Variants in TTLL13 observed in about 807,000 individuals in gnomAD.
TTLL13 encodes tubulin tyrosine ligase like 13.
the TTLL13 span, chr15:90,262,978 C>A: frequency 2.0e-6 from 3 of 1,535,772 alleles, no homozygotes; most frequent in Admixed American, 2.0e-5. Context: ...GCTGCCGGGA[C>A]AGCTGGACAC....
At chr15:90,250,939 T>C in the TTLL13 span, 1 of 1,583,142 alleles carries the variant, frequency 6.3e-7, no homozygotes, top group East Asian at 2.2e-5. Context: ...AGTCACCCAT[T>C]GGCCTCCCTT....
chr15:90,251,146 C>T, the TTLL13 span, among the ~76,000 whole-genome samples: 5 of 102,770 alleles, frequency 4.9e-5, no homozygotes, highest in Non-Finnish European at 9.3e-5. Flanking sequence ...CAGAGTCTCG[C>T]TCTGTCGCCC....
the TTLL13 span, chr15:90,251,497 C>A: frequency 1.3e-6 from 2 of 1,507,776 alleles, no homozygotes; most frequent in Non-Finnish European, 1.8e-6. Context: ...GTCTTTTCAT[C>A]TGAGTACCTG....
At chr15:90,260,033 C>T in the TTLL13 span, among the ~76,000 whole-genome samples, 2 of 152,100 alleles carry the variant, frequency 1.3e-5, no homozygotes, top group African/African-American at 2.4e-5. Context: ...CAGATGTCTG[C>T]GTGATGAATG....
At chr15:90,259,492 CTG>C in the TTLL13 span, among the ~76,000 whole-genome samples, 1 of 152,178 alleles carries the variant, frequency 6.6e-6, no homozygotes, top group Non-Finnish European at 1.5e-5. Flanking sequence ...GTTTTCCTCT[CTG>C]GAGCCAATCA....
At chr15:90,258,774 C>T in the TTLL13 span, 1 of 1,614,202 alleles carries the variant, frequency 6.2e-7, no homozygotes, top group Non-Finnish European at 8.5e-7. Flanking sequence ...ACCACGGACT[C>T]ATGCCTTGAT....
At chr15:90,264,962 A>T in the TTLL13 span, 4 of 1,534,310 alleles carry the variant, frequency 2.6e-6, no homozygotes, top group Non-Finnish European at 3.5e-6. Flanking sequence ...CAATCAGTTC[A>T]GGTAAAAGCA....
chr15:90,250,861 G>A, the TTLL13 span: 1 of 1,614,100 alleles, frequency 6.2e-7, no homozygotes, highest in East Asian at 2.2e-5. Context: ...TAGAAGCTGG[G>A]AGGAGGAAGA....
chr15:90,253,494 AC>A, the TTLL13 span: 2 of 521,452 alleles, frequency 3.8e-6, no homozygotes, highest in Middle Eastern at 2.9e-4. Context: ...AAGAAAGACC[AC>A]CCCCAGGGTC....
chr15:90,255,568 C>CA, the TTLL13 span, among the ~76,000 whole-genome samples: 2 of 152,052 alleles, frequency 1.3e-5, no homozygotes. Context: ...GTAGGAGTCA[C>CA]AGAGGGTTTT....
the TTLL13 span, chr15:90,261,916 A>G: frequency 9.2e-7 from 1 of 1,090,398 alleles, no homozygotes; most frequent in Non-Finnish European, 1.2e-6. Context: ...AGAAGCCAGC[A>G]GGAGGGTCTC....
At chr15:90,257,625 CTCTT>C in the TTLL13 span, 1 of 1,613,710 alleles carries the variant, frequency 6.2e-7, no homozygotes, top group Admixed American at 1.7e-5. Context: ...CACAGGGCCA[CTCTT>C]TCCACAGGAC....
chr15:90,252,584 C>T, the TTLL13 span, among the ~76,000 whole-genome samples: 5 of 152,172 alleles, frequency 3.3e-5, no homozygotes, highest in Admixed American at 2.0e-4. Flanking sequence ...CCAGCTAGGT[C>T]CTTCCCCTAA....
the TTLL13 span, chr15:90,257,553 G>C: frequency 5.5e-6 from 7 of 1,270,098 alleles, no homozygotes; most frequent in East Asian, 1.4e-4. Flanking sequence ...CCTCGGGAGG[G>C]GTGGGGAGCA....
the TTLL13 span, chr15:90,265,176 A>T: frequency 7.7e-7 from 1 of 1,290,564 alleles, no homozygotes; most frequent in Admixed American, 3.0e-5. Flanking sequence ...TAGAAGATGA[A>T]GAGGCGCCAA....
the TTLL13 span, among the ~76,000 whole-genome samples, chr15:90,260,681 T>A: frequency 6.6e-6 from 1 of 151,658 alleles, no homozygotes; most frequent in Non-Finnish European, 1.5e-5. Flanking sequence ...TGAAACCCCA[T>A]CTCTACTAAA....
the TTLL13 span, chr15:90,253,388 G>C: frequency 6.3e-7 from 1 of 1,583,672 alleles, no homozygotes; most frequent in Non-Finnish European, 8.7e-7. Flanking sequence ...CCTGACCTGA[G>C]AGCCGACAGG....
the TTLL13 span, chr15:90,258,505 AATGTAAGTCTTTAGGGACACACTATCTAG>A: frequency 6.5e-6 from 4 of 615,376 alleles, no homozygotes; most frequent in Non-Finnish European, 1.1e-5. Flanking sequence ...CCAGTGCCCT[AATGTAAGTCTTTAGGGACACACTATCTAG>A]AGAGGCAGGC....
At chr15:90,256,573 CTTTCTTT>C in the TTLL13 span, among the ~76,000 whole-genome samples, 4 of 56,358 alleles carry the variant, frequency 7.1e-5, no homozygotes, top group South Asian at 3.0e-3. Context: ...TTCTTTCTTT[CTTTCTTT>C]CTTTCTTTCT....
Sources: gnomAD v4.1 joint callset for allele counts (sites outside exome capture counted in the v4.1 genomes callset) on GRCh38, gnomAD v4.1.1 for gene constraint, MANE v1.5 for transcripts, NCBI Gene and HGNC (gene_info 2026-07-23, HGNC 2026-07-21) for gene names.